PTPRN2: variants seen among roughly 807,000 people sequenced by gnomAD.
PTPRN2 encodes protein tyrosine phosphatase receptor type N2, also known as receptor-type tyrosine-protein phosphatase N2.
Under a neutral mutation model 118.8 loss-of-function variants are expected in PTPRN2, and 74 were observed. The observed-to-expected ratio is 0.62, with a 90% confidence interval of 0.52 to 0.76. The LOEUF (loss-of-function observed/expected upper bound fraction) is 0.76, where lower values mean the gene tolerates loss of function less well. PTPRN2 is among the 30% of genes least tolerant of loss of function. The pLI is 0.00. For missense variants in PTPRN2, 1,481 were observed against 1,394.4 expected, an observed-to-expected ratio of 1.06 and a Z score of -0.99; for synonymous variants, 641 against 608.0, an observed-to-expected ratio of 1.05 and a Z score of -0.80.
At chr7:157,670,303 C>T (rs1051404034) in intron 13 of PTPRN2, among the ~76,000 whole-genome samples, 1 of 152,056 alleles carries the variant, frequency 6.6e-6, no homozygotes, top group Non-Finnish European at 1.5e-5. Context: ...TGAAACCCGA[C>T]CTCCTGCCTC....
intron 2 of PTPRN2, among the ~76,000 whole-genome samples, chr7:158,483,158 G>A (rs1271612369): frequency 1.3e-5 from 2 of 152,172 alleles, no homozygotes; most frequent in South Asian, 4.1e-4. Context: ...ATTTCTGAAG[G>A]CTCCCATGTG....
At chr7:158,178,139 T>C (rs935121359) in intron 5 of PTPRN2, among the ~76,000 whole-genome samples, 2 of 152,238 alleles carry the variant, frequency 1.3e-5, no homozygotes, top group Non-Finnish European at 2.9e-5. Context: ...TACTGAATAT[T>C]TCACATTAAA....
At chr7:158,005,994 A>G (rs1805608559) in intron 11 of PTPRN2, among the ~76,000 whole-genome samples, 3 of 152,234 alleles carry the variant, frequency 2.0e-5, no homozygotes, top group Admixed American at 2.0e-4. Flanking sequence ...TGGAATGCTC[A>G]TGTCAAATCT....
At chr7:158,388,998 G>A (rs1362300787) in intron 2 of PTPRN2, among the ~76,000 whole-genome samples, 1 of 152,248 alleles carries the variant, frequency 6.6e-6, no homozygotes, top group African/African-American at 2.4e-5. Context: ...TCGGACTGGC[G>A]ATTAGAACCT....
rs565872412 is a variant in PTPRN2 at position 157,655,304 on chromosome 7, C to T, written c.2196+1053G>A. Among the ~76,000 whole-genome samples, 5 of 152,298 alleles carry T rather than the reference C, an allele frequency of 3.3e-5. No homozygotes were observed. The South Asian group carries it at 1.0e-3, about 32-fold the overall frequency. ...TCTGGTCCAAGCGGGTCTAGAACTG[C>T]GTGTTTCCCACCAGACGTCAGCTGT... On this transcript the variant is annotated intron_variant, in intron 14 of 22. Coordinates refer to ENST00000389418, the MANE Select transcript of PTPRN2 (RefSeq NM_002847.5).
intron 12 of PTPRN2, among the ~76,000 whole-genome samples, chr7:157,889,917 GT>G (rs1282662255): frequency 1.3e-5 from 2 of 152,170 alleles, no homozygotes; most frequent in Non-Finnish European, 2.9e-5. Context: ...TTATTCACCT[GT>G]TACGTACATG....
chr7:157,954,892 T>C (rs1801087818), intron 11 of PTPRN2, among the ~76,000 whole-genome samples: 1 of 152,218 alleles, frequency 6.6e-6, no homozygotes, highest in African/African-American at 2.4e-5. Context: ...AAAATTATTT[T>C]TTAAGATAAA....
intron 12 of PTPRN2, among the ~76,000 whole-genome samples, chr7:157,688,576 GGCCTGCCTGGACGCACGCGC>G (rs1797308294): frequency 6.6e-6 from 1 of 152,222 alleles, no homozygotes; most frequent in Non-Finnish European, 1.5e-5. Flanking sequence ...CTGGTCCCCA[GGCCTGCCTGGACGCACGCGC>G]GCCTTCCACA....
chr7:158,268,603 C>T (rs867433166), intron 3 of PTPRN2, among the ~76,000 whole-genome samples: 17 of 141,524 alleles, frequency 1.2e-4, no homozygotes, highest in East Asian at 2.1e-4. Flanking sequence ...ATATCCCAGC[C>T]GCAGGCACAC....
chr7:158,049,215 ATCATTG>A (rs1809148453), intron 11 of PTPRN2, among the ~76,000 whole-genome samples: 2 of 78,734 alleles, frequency 2.5e-5, no homozygotes, highest in African/African-American at 9.1e-5. Context: ...CATCATCATC[ATCATTG>A]TCATCAGCAT....
At chr7:157,756,358 G>A (rs772242093) in intron 12 of PTPRN2, among the ~76,000 whole-genome samples, 18 of 151,424 alleles carry the variant, frequency 1.2e-4, no homozygotes, top group Non-Finnish European at 2.4e-4. Context: ...GCAGTGGCGC[G>A]ATCTCGGCTC....
chr7:158,365,426 C>T (rs1201153191), intron 2 of PTPRN2, among the ~76,000 whole-genome samples: 1 of 152,202 alleles, frequency 6.6e-6, no homozygotes, highest in Non-Finnish European at 1.5e-5. Flanking sequence ...TCTCTCCTCC[C>T]TCTCTTCCTA....
At chr7:158,138,581 A>C in intron 6 of PTPRN2, 66 bp from the exon 7 acceptor site, 2 of 1,475,010 alleles carry the variant, frequency 1.4e-6, no homozygotes, top group Non-Finnish European at 1.9e-6. Context: ...GGGCCTCCAG[A>C]CCATAGGGGT....
intron 2 of PTPRN2, among the ~76,000 whole-genome samples, chr7:158,433,648 A>G (rs1586663346): frequency 1.3e-5 from 2 of 152,176 alleles, no homozygotes; most frequent in African/African-American, 2.4e-5. Flanking sequence ...TAAAGAAGCA[A>G]TGATTGGTTT....
At chr7:158,499,239 TA>T (rs1822179662) in intron 1 of PTPRN2, among the ~76,000 whole-genome samples, 1 of 152,174 alleles carries the variant, frequency 6.6e-6, no homozygotes, top group African/African-American at 2.4e-5. Context: ...TGGGCCCTGT[TA>T]AATGAGTATT....
chr7:158,068,335 C>A (rs1810945353), intron 11 of PTPRN2, among the ~76,000 whole-genome samples: 1 of 152,194 alleles, frequency 6.6e-6, no homozygotes, highest in South Asian at 2.1e-4. Flanking sequence ...GGGTACGGTG[C>A]AGTGCACAGG....
At chr7:157,766,089 T>TCCATCCAAC in intron 12 of PTPRN2, among the ~76,000 whole-genome samples, 1 of 145,408 alleles carries the variant, frequency 6.9e-6, no homozygotes. Context: ...CACCCATCCA[T>TCCATCCAAC]CATCCATTCT....
chr7:157,671,470 G>A lies in PTPRN2; in HGVS notation c.2001+11255C>T, dbSNP rs887005. On this transcript the variant is annotated intron_variant, in intron 13 of 22. Coordinates refer to ENST00000389418, the MANE Select transcript of PTPRN2 (RefSeq NM_002847.5). This position sits in a 1 kb window ranked among gnomAD's most constrained non-coding sequence, Gnocchi z 4.1. ...GGGCTGAGATGGAAGCTCAGGGGACGGGGGTCTGCACAGGGCTGGACAGAT... is the reference window on the plus strand; with the variant it reads ...GGGCTGAGATGGAAGCTCAGGGGACAGGGGTCTGCACAGGGCTGGACAGAT... 0.13 allele frequency among the ~76,000 whole-genome samples: 19,893 copies of A among 151,940 alleles called. 1,472 individuals are homozygous for A. Among genetic ancestry groups the A allele is most frequent in the African/African-American group, 0.2 (8,133 of 41,470 alleles).
chr7:158,149,102 A>G (rs1820590148), intron 6 of PTPRN2, among the ~76,000 whole-genome samples: 1 of 148,236 alleles, frequency 6.7e-6, no homozygotes, highest in Non-Finnish European at 1.5e-5. Context: ...ATCTCACGCC[A>G]CACGTCTTTC....
Sources: allele counts gnomAD v4.1 joint callset (sites outside exome capture counted in the v4.1 genomes callset), GRCh38; gene constraint gnomAD v4.1.1; non-coding constraint Gnocchi (gnomAD v3.1); transcripts MANE v1.5; gene names NCBI Gene and HGNC (gene_info 2026-07-23, HGNC 2026-07-21).